Variants in TRPC5 observed in about 807,000 individuals in gnomAD.
TRPC5 encodes short transient receptor potential channel 5.
In TRPC5, 9 loss-of-function variants were observed where a neutral mutation model predicts 56.5. The ratio of observed to expected loss-of-function variants is 0.16; its 90% confidence interval spans 0.10 to 0.28. TRPC5 has a LOEUF of 0.28. Among genes scored for constraint, TRPC5 ranks in the 10% least tolerant of loss-of-function variants. The pLI, the probability that TRPC5 is intolerant of heterozygous loss-of-function variation, is 1.00. For missense variants in TRPC5, 469 were observed against 748.9 expected (o/e 0.63, Z 4.36); for synonymous variants, 282 against 278.5 (o/e 1.01, Z -0.13).
chrX:111,786,956 C>T (rs1266547256), intron 7 of TRPC5, among the ~76,000 whole-genome samples: 1 of 111,221 alleles, frequency 9.0e-6, no homozygotes, highest in Non-Finnish European at 1.9e-5. Flanking sequence ...GACTCCCACA[C>T]AATAATAATG....
At chrX:111,992,665 C>T (rs1928390610) in intron 1 of TRPC5, among the ~76,000 whole-genome samples, 1 of 109,360 alleles carries the variant, frequency 9.1e-6, no homozygotes, top group African/African-American at 3.3e-5. Context: ...TGCAGTGGCA[C>T]GATCTCAGCT....
rs763817147 is a variant in TRPC5 at position 111,852,263 on chromosome X, G to A, written c.1377+35C>T. The A allele has an allele frequency of 7.6e-6, 9 of 1,185,439 alleles. No homozygotes were observed. In the South Asian group the frequency reaches 9.5e-5, roughly 13 times the overall value. Reference sequence around the variant, plus strand: ...GCAAAAGCTTAATGTAGCCAAAATCGCTGTGTAGGAAATATGGCAGACATT... The same window carrying A: ...GCAAAAGCTTAATGTAGCCAAAATCACTGTGTAGGAAATATGGCAGACATT... On this transcript the variant is annotated intron_variant, in intron 5 of 10. Transcript: ENST00000262839.
At chrX:112,019,452 T>TG (rs1929211243) in intron 1 of TRPC5, among the ~76,000 whole-genome samples, 5 of 109,915 alleles carry the variant, frequency 4.5e-5, no homozygotes, top group African/African-American at 1.7e-4. Flanking sequence ...TTTTTTTTTT[T>TG]TGGGATGGAA....
At chrX:111,953,406 T>G (rs1927145119) in intron 1 of TRPC5, among the ~76,000 whole-genome samples, 1 of 112,370 alleles carries the variant, frequency 8.9e-6, no homozygotes, top group African/African-American at 3.2e-5. Flanking sequence ...AAAGATAGCC[T>G]TTGTCTTCAA....
At chrX:111,953,688 T>C (rs1282067914) in intron 1 of TRPC5, among the ~76,000 whole-genome samples, 1 of 112,293 alleles carries the variant, frequency 8.9e-6, no homozygotes, top group Non-Finnish European at 1.9e-5. Flanking sequence ...GACATGGAAA[T>C]GTGCTAAAGA....
At chrX:111,817,559 C>T (rs1360762416) in intron 7 of TRPC5, among the ~76,000 whole-genome samples, 4 of 109,976 alleles carry the variant, frequency 3.6e-5, no homozygotes, top group Non-Finnish European at 7.6e-5. Context: ...CTCCTGACCT[C>T]GTGATCTGCC....
At chrX:112,064,749 G>T (rs1930539078) in intron 1 of TRPC5, among the ~76,000 whole-genome samples, 1 of 112,317 alleles carries the variant, frequency 8.9e-6, no homozygotes, top group South Asian at 3.7e-4. Flanking sequence ...TTCATCATAG[G>T]ATGGATCAAA....
chrX:112,000,182 A>AT (rs967153662), intron 1 of TRPC5, among the ~76,000 whole-genome samples: 7 of 111,475 alleles, frequency 6.3e-5, no homozygotes, highest in Non-Finnish European at 9.4e-5. Context: ...TCACCAGCAG[A>AT]TTTCTAAAAC....
intron 3 of TRPC5, among the ~76,000 whole-genome samples, chrX:111,875,568 CTTTCTTTTTTTTTT>C (rs1289183962): frequency 2.2e-4 from 18 of 81,607 alleles, no homozygotes; most frequent in Non-Finnish European, 3.9e-4. Flanking sequence ...TTTCTTTTTT[CTTTCTTTTTTTTTT>C]TTTTTTTTTT....
chrX:112,077,227 G>A (rs1930855739), intron 1 of TRPC5, among the ~76,000 whole-genome samples: 1 of 111,287 alleles, frequency 9.0e-6, no homozygotes, highest in South Asian at 3.8e-4. Flanking sequence ...CACCCAAGTC[G>A]TCCTGGTAAA....
chrX:111,901,259 G>A (rs1925328759), intron 3 of TRPC5, among the ~76,000 whole-genome samples: 1 of 111,366 alleles, frequency 9.0e-6, no homozygotes, highest in Non-Finnish European at 1.9e-5. Context: ...GACCCTGCGT[G>A]AGTGTATCCT....
intron 1 of TRPC5, among the ~76,000 whole-genome samples, chrX:111,982,130 C>T (rs1217562961): frequency 8.9e-6 from 1 of 112,110 alleles, no homozygotes; most frequent in Admixed American, 9.5e-5. Context: ...GCCTTTCAGC[C>T]ATGCTTCTGT....
intron 1 of TRPC5, among the ~76,000 whole-genome samples, chrX:111,968,435 G>T (rs1207464061): frequency 9.0e-6 from 1 of 111,408 alleles, no homozygotes; most frequent in African/African-American, 3.3e-5. Flanking sequence ...CAGGGATCTA[G>T]AACTAGAAAT....
At chrX:111,997,316 G>A (rs1025839204) in intron 1 of TRPC5, among the ~76,000 whole-genome samples, 2 of 111,770 alleles carry the variant, frequency 1.8e-5, no homozygotes, top group African/African-American at 3.3e-5. Flanking sequence ...TAAGAATGTT[G>A]AATATTGGGC....
At chrX:111,777,441 G>A (rs1039770276) in intron 10 of TRPC5, among the ~76,000 whole-genome samples, 3 of 109,859 alleles carry the variant, frequency 2.7e-5, no homozygotes, top group Non-Finnish European at 3.8e-5. Flanking sequence ...TTTGAGACAG[G>A]GGGCCCTGTT....
intron 3 of TRPC5, among the ~76,000 whole-genome samples, chrX:111,905,914 C>CAAAAAAAAAAAAAAAAAAAA (rs1202912083): frequency 8.1e-5 from 3 of 37,015 alleles, no homozygotes; most frequent in African/African-American, 3.5e-4. Context: ...GTCTCTGTCT[C>CAAAAAAAAAAAAAAAAAAAA]AAAAAAAAAA....
At chrX:111,815,097 C>G (rs776602479) in intron 7 of TRPC5, among the ~76,000 whole-genome samples, 3 of 112,040 alleles carry the variant, frequency 2.7e-5, no homozygotes, top group Non-Finnish European at 5.6e-5. Flanking sequence ...AGCAGGATAT[C>G]TCTGGGCAGA....
chrX:111,855,198 G>A (rs1472415182), intron 3 of TRPC5, among the ~76,000 whole-genome samples: 1 of 112,021 alleles, frequency 8.9e-6, no homozygotes, highest in Non-Finnish European at 1.9e-5. Flanking sequence ...GTTTATCTGT[G>A]AAGGTCACTA....
intron 3 of TRPC5, among the ~76,000 whole-genome samples, chrX:111,864,805 C>T (rs985140211): frequency 8.9e-6 from 1 of 111,781 alleles, no homozygotes; most frequent in Non-Finnish European, 1.9e-5. Context: ...AAATTTTCAA[C>T]GTCTTGTAGC....
Sources: gnomAD v4.1 joint callset for allele counts (sites outside exome capture counted in the v4.1 genomes callset) on GRCh38, gnomAD v4.1.1 for gene constraint, MANE v1.5 for transcripts, NCBI Gene and HGNC (gene_info 2026-07-23, HGNC 2026-07-21) for gene names.